Variants in CTCF observed in about 807,000 individuals in gnomAD.
CTCF encodes the protein transcriptional repressor CTCF.
CTCF carries 7 observed loss-of-function variants against 72.3 expected under a neutral mutation model. The ratio of observed to expected loss-of-function variants is 0.10; its 90% CI spans 0.06 to 0.18. CTCF has a LOEUF of 0.18. Among genes scored for constraint, CTCF ranks in the 10% least tolerant of loss-of-function variants. The probability of loss-of-function intolerance (pLI) is 1.00; values close to 1 mark genes in which losing one functional copy is unlikely to be tolerated. For synonymous variants in CTCF, 374 were observed against 315.8 expected (o/e 1.18, Z -1.95); for missense variants, 516 against 949.1 (o/e 0.54, Z 6.00).
At chr16:67,564,056 A>ATACGT (rs2051312959) in intron 1 of CTCF, 1 of 152,220 alleles carries the variant, frequency 6.6e-6, no homozygotes, top group Non-Finnish European at 1.5e-5. Context: ...GTTCAGCGTT[A>ATACGT]AGTAAACATT....
intron 4 of CTCF, chr16:67,615,105 G>T (rs2052114374): frequency 6.6e-6 from 1 of 152,254 alleles, no homozygotes; most frequent in Non-Finnish European, 1.5e-5. Context: ...TCATGCTACT[G>T]CACTACAACC....
chr16:67,603,926 C>T lies in CTCF; in HGVS notation c.-9-6898C>T, dbSNP rs376056685. On this transcript the variant is annotated intron_variant, in intron 2 of 11. Transcript: ENST00000264010. ...GGCAGATGACTTGAGCCCAGGAGTT[C>T]GAGACCAGTCTGTGCAACATGGTGA... 3.9e-3 allele frequency among the ~76,000 whole-genome samples: 579 copies of T among 149,354 alleles called. 5 individuals carry two copies. The highest frequency in any genetic ancestry group is 0.014 in the African/African-American group (554 of 40,556).
intron 2 of CTCF, among the ~76,000 whole-genome samples, chr16:67,604,308 C>G (rs1241422842): frequency 2.0e-5 from 3 of 152,034 alleles, no homozygotes; most frequent in Admixed American, 6.6e-5. Flanking sequence ...GTCTGTGTCT[C>G]AAGCATAACA....
Position 67,621,506 on chromosome 16 carries a change from G to A in CTCF, c.1272G>A (p.Met424Ile), listed in dbSNP as rs2052198674. 6.2e-7 allele frequency: 1 copy of A among 1,611,686 alleles called. No individual in the cohort carries two copies. The highest frequency in any genetic ancestry group is 1.7e-5 in the Admixed American group (1 of 59,978). ...ARFTQSGTMK[M>I]HILQKHTENV... Reference sequence around the variant, plus strand: ...TTACCCAAAGTGGTACCATGAAGATGCACATTTTACAGAAGCACACAGAAA... The same window carrying A: ...TTACCCAAAGTGGTACCATGAAGATACACATTTTACAGAAGCACACAGAAA... The change falls in exon 7 of 12, where the codon ATG becomes ATA. Residue 424 changes from methionine to isoleucine, a missense_variant. This residue lies in a region of CTCF where 70 missense variants were observed against 290.1 expected (regional missense o/e 0.24). Transcript: ENST00000264010.
At chr16:67,589,326 A>T (rs190107363) in intron 2 of CTCF, among the ~76,000 whole-genome samples, 1 of 152,224 alleles carries the variant, frequency 6.6e-6, no homozygotes, top group East Asian at 1.9e-4. Flanking sequence ...AATTATAATA[A>T]TATTAATTTG....
At chr16:67,606,375 G>C (rs2051973350) in intron 2 of CTCF, among the ~76,000 whole-genome samples, 1 of 152,136 alleles carries the variant, frequency 6.6e-6, no homozygotes, top group South Asian at 2.1e-4. Context: ...TATCACACCT[G>C]GTTATGTTAT....
At chr16:67,630,985 C>T (rs2052354536) in intron 10 of CTCF, among the ~76,000 whole-genome samples, 1 of 152,024 alleles carries the variant, frequency 6.6e-6, no homozygotes, top group South Asian at 2.1e-4. Context: ...TTCCCAGAAG[C>T]ACCATTAAAC....
At chr16:67,632,650 C>CT (rs1555536407) in intron 10 of CTCF, among the ~76,000 whole-genome samples, 4,982 of 9,862 alleles carry the variant, frequency 0.51, 130 homozygotes, top group South Asian at 0.52. Flanking sequence ...CTTTTGTGTG[C>CT]TTTTCCCCCA....
chr16:67,617,996 A>C (rs1356315571), intron 5 of CTCF, among the ~76,000 whole-genome samples: 1 of 152,236 alleles, frequency 6.6e-6, no homozygotes. Flanking sequence ...ATTACATTGA[A>C]GGATTGAAGA....
chr16:67,589,812 C>T lies in CTCF; in HGVS notation c.-10+18548C>T, dbSNP rs1280771552. ...CCATTAACTTGAAAAAGAGCCTGGA[C>T]GCGGTGGCTCACACCTGTAATACCG... On this transcript the variant is annotated intron_variant, in intron 2 of 11. Coordinates refer to ENST00000264010, the MANE Select transcript of CTCF (RefSeq NM_006565.4). 2.6e-5 allele frequency among the ~76,000 whole-genome samples: 4 copies of T among 152,166 alleles called. No individual in the cohort carries two copies. In the South Asian group the frequency reaches 8.3e-4, roughly 31 times the overall value.
chr16:67,574,641 CAA>C, intron 2 of CTCF, among the ~76,000 whole-genome samples: 2 of 146,856 alleles, frequency 1.4e-5, no homozygotes, highest in African/African-American at 5.0e-5. Context: ...CACGCCCAGC[CAA>C]AAGCATCTTT....
chr16:67,590,490 A>G (rs1042732723), intron 2 of CTCF, among the ~76,000 whole-genome samples: 15 of 151,836 alleles, frequency 9.9e-5, no homozygotes, highest in African/African-American at 3.4e-4. Flanking sequence ...AAGCCCTGTT[A>G]TTTTATAATT....
chr16:67,624,458 TC>T (rs2142857682), intron 7 of CTCF, among the ~76,000 whole-genome samples: 1 of 152,254 alleles, frequency 6.6e-6, no homozygotes, highest in Admixed American at 6.6e-5. Flanking sequence ...AGTACCCTCT[TC>T]CTTTGAAACA....
chr16:67,624,441 C>T (rs1037696348), intron 7 of CTCF, among the ~76,000 whole-genome samples: 5 of 152,188 alleles, frequency 3.3e-5, no homozygotes, highest in African/African-American at 7.2e-5. Flanking sequence ...TGTTCTTCAT[C>T]GTTGACAGTA....
At chr16:67,576,642 C>T (rs1372887410) in intron 2 of CTCF, among the ~76,000 whole-genome samples, 1 of 150,942 alleles carries the variant, frequency 6.6e-6, no homozygotes, top group Non-Finnish European at 1.5e-5. Flanking sequence ...CAAACTCCGC[C>T]TCCCGGCTTC....
intron 2 of CTCF, among the ~76,000 whole-genome samples, chr16:67,589,100 G>A (rs2051705194): frequency 6.6e-6 from 1 of 152,108 alleles, no homozygotes; most frequent in South Asian, 2.1e-4. Flanking sequence ...AAGACCAGCC[G>A]AGGCAACAAA....
chr16:67,612,195 C>T, intron 4 of CTCF, 74 bp downstream of exon 4: 1 of 1,386,906 alleles, frequency 7.2e-7, no homozygotes, highest in East Asian at 2.4e-5. Flanking sequence ...TTCAAGCTGA[C>T]TCCAGCGGGA....
chr16:67,566,269 T>C (rs951534348), intron 1 of CTCF, among the ~76,000 whole-genome samples: 1 of 151,988 alleles, frequency 6.6e-6, no homozygotes, highest in African/African-American at 2.4e-5. Flanking sequence ...TTTGGGAGGC[T>C]GAGGCGGGCG....
intron 10 of CTCF, 102 bp downstream of exon 10, chr16:67,629,635 A>G (rs2052335736): frequency 2.6e-6 from 3 of 1,161,016 alleles, no homozygotes; most frequent in African/African-American, 1.6e-5. Context: ...GCGGGCACAC[A>G]CTCTTCCTTT....
Sources: allele counts gnomAD v4.1 joint callset (sites outside exome capture counted in the v4.1 genomes callset), GRCh38; gene constraint gnomAD v4.1.1; regional missense constraint gnomAD v4.1.1; transcripts MANE v1.5; gene names NCBI Gene and HGNC (gene_info 2026-07-23, HGNC 2026-07-21).